The following RBFOX1 variants were observed in gnomAD, a reference collection of about 807,000 sequenced individuals.
RBFOX1 encodes the protein RNA binding protein fox-1 homolog 1.
RBFOX1 carries 8 observed loss-of-function variants against 57.7 expected under a neutral mutation model. That is an observed-to-expected ratio of 0.14 (90% confidence interval 0.08 to 0.25). The LOEUF is 0.25. Among genes scored for constraint, RBFOX1 ranks in the 10% least tolerant of loss-of-function variants. The pLI, the probability that RBFOX1 is intolerant of heterozygous loss-of-function variation, is 1.00. For synonymous variants in RBFOX1, 326 were observed against 222.4 expected (o/e 1.47, Z -4.15); for missense variants, 611 against 548.5 (o/e 1.11, Z -1.14).
At chr16:7,364,523 G>A (rs539550338) in intron 4 of RBFOX1, among the ~76,000 whole-genome samples, 8 of 150,866 alleles carry the variant, frequency 5.3e-5, no homozygotes, top group Non-Finnish European at 1.0e-4. Context: ...CTTTGGCAAG[G>A]GAGAGCATTT....
At chr16:6,765,062 A>C (rs754999071) in intron 3 of RBFOX1, among the ~76,000 whole-genome samples, 5 of 152,146 alleles carry the variant, frequency 3.3e-5, no homozygotes, top group Admixed American at 1.3e-4. Context: ...TTTAAGCAGA[A>C]ATCTAAAGTC....
chr16:6,290,856 C>G (rs568724087), intron 1 of RBFOX1, among the ~76,000 whole-genome samples: 1 of 152,066 alleles, frequency 6.6e-6, no homozygotes, highest in African/African-American at 2.4e-5. Flanking sequence ...GGATCTCAGG[C>G]AAGAAAGAAT....
chr16:6,505,665 A>G (rs1354912405), intron 2 of RBFOX1, among the ~76,000 whole-genome samples: 2 of 152,228 alleles, frequency 1.3e-5, no homozygotes, highest in Non-Finnish European at 2.9e-5. Context: ...ATGGACAGAG[A>G]AAACAGATGT....
At chr16:7,112,121 A>C (rs559275419) in intron 4 of RBFOX1, among the ~76,000 whole-genome samples, 105 of 152,306 alleles carry the variant, frequency 6.9e-4, no homozygotes, top group Non-Finnish European at 1.2e-3. Context: ...CGTTAGACCA[A>C]GTGTTGAAAT....
In RBFOX1 at chr16:6,972,112, A is replaced by G. The variant is rs191727376; in HGVS notation, c.-15-79945A>G. On this transcript the variant is annotated intron_variant, in intron 3 of 15. Transcript: ENST00000550418. Reference sequence around the variant, plus strand: ...TTTCCCATTGTGCTAAAAAGCACACAACATCTAACCATCTTAACCATTTGT... The same window carrying G: ...TTTCCCATTGTGCTAAAAAGCACACGACATCTAACCATCTTAACCATTTGT... Among the ~76,000 whole-genome samples, 242 of 152,336 alleles carry G rather than the reference A, an allele frequency of 1.6e-3. 1 individual carries two copies. Among genetic ancestry groups the G allele is most frequent in the African/African-American group, 5.6e-3 (233 of 41,576 alleles).
At chr16:5,395,363 T>A (rs2066521353) in intron 1 of RBFOX1, among the ~76,000 whole-genome samples, 1 of 152,188 alleles carries the variant, frequency 6.6e-6, no homozygotes. Context: ...TTGCCTCTGT[T>A]GTAGGTGAGG....
intron 4 of RBFOX1, among the ~76,000 whole-genome samples, chr16:5,932,804 G>C (rs1371421524): frequency 6.6e-6 from 1 of 151,944 alleles, no homozygotes; most frequent in Non-Finnish European, 1.5e-5. Context: ...ACGTGACCTC[G>C]GGTGCTTGGT....
At chr16:7,147,323 T>C (rs1050257499) in intron 4 of RBFOX1, among the ~76,000 whole-genome samples, 1 of 151,650 alleles carries the variant, frequency 6.6e-6, no homozygotes, top group Admixed American at 6.6e-5. Flanking sequence ...AATTTTTTTT[T>C]CAACTTTTAT....
intron 1 of RBFOX1, among the ~76,000 whole-genome samples, chr16:6,099,402 C>T (rs2096279596): frequency 6.6e-6 from 1 of 152,116 alleles, no homozygotes; most frequent in African/African-American, 2.4e-5. Context: ...GAGGTTAGTT[C>T]TGAGTGTCTT....
intron 2 of RBFOX1, among the ~76,000 whole-genome samples, chr16:6,460,827 C>CA (rs57208986): frequency 0.59 from 83,005 of 141,306 alleles, 24,874 homozygotes; most frequent in Non-Finnish European, 0.66. Flanking sequence ...TTCAGAATAC[C>CA]AAAAAAAAAA....
chr16:6,856,878 T>A lies in RBFOX1; in HGVS notation c.-15-195179T>A, dbSNP rs553172756. ...TCAATTCAGATAATAATAATTCTGC[T>A]GCAAAATGTTAGAGACAGAGAAAGG... On this transcript the variant is annotated intron_variant, in intron 3 of 15. Coordinates refer to ENST00000550418, the MANE Select transcript of RBFOX1 (RefSeq NM_018723.4). 6.0e-4 allele frequency among the ~76,000 whole-genome samples: 91 copies of A among 151,624 alleles called. 2 individuals are homozygous for A. The South Asian group carries it at 0.018, about 31-fold the overall frequency.
chr16:5,937,729 A>G (rs2059195976), intron 4 of RBFOX1, among the ~76,000 whole-genome samples: 1 of 149,490 alleles, frequency 6.7e-6, no homozygotes, highest in Non-Finnish European at 1.5e-5. Flanking sequence ...ATAGTTACAT[A>G]TCTCCATATA....
intron 4 of RBFOX1, among the ~76,000 whole-genome samples, chr16:7,251,392 C>G (rs757336827): frequency 3.4e-5 from 5 of 145,552 alleles, no homozygotes; most frequent in African/African-American, 1.0e-4. Context: ...AGATACAGAG[C>G]ATACTTCTGT....
chr16:5,972,276 A>G (rs2059977393), intron 4 of RBFOX1, among the ~76,000 whole-genome samples: 1 of 152,326 alleles, frequency 6.6e-6, no homozygotes, highest in South Asian at 2.1e-4. Flanking sequence ...ACAGTTGCTA[A>G]GTGGATTCCT....
intron 3 of RBFOX1, among the ~76,000 whole-genome samples, chr16:5,683,164 G>GT (rs976658789): frequency 2.0e-5 from 3 of 149,038 alleles, no homozygotes; most frequent in African/African-American, 7.4e-5. Context: ...GAGGTGGGGG[G>GT]TGGGGGCGCC....
At chr16:6,409,730 T>C (rs1391127546) in intron 2 of RBFOX1, among the ~76,000 whole-genome samples, 1 of 152,184 alleles carries the variant, frequency 6.6e-6, no homozygotes, top group Non-Finnish European at 1.5e-5. Context: ...ACCACTGTCT[T>C]AAGCCAGCAA....
At chr16:7,074,545 T>G (rs1014523018) in intron 4 of RBFOX1, among the ~76,000 whole-genome samples, 1 of 151,950 alleles carries the variant, frequency 6.6e-6, no homozygotes, top group Non-Finnish European at 1.5e-5. Context: ...AAGAAAAATA[T>G]TGAAAAAAAT....
chr16:7,488,391 G>A (rs1007581553), intron 4 of RBFOX1, among the ~76,000 whole-genome samples: 1 of 151,966 alleles, frequency 6.6e-6, no homozygotes, highest in African/African-American at 2.4e-5. Flanking sequence ...AGATATATAT[G>A]GACCTCTATA....
At chr16:6,489,692 T>A (rs947030783) in intron 2 of RBFOX1, among the ~76,000 whole-genome samples, 6 of 152,184 alleles carry the variant, frequency 3.9e-5, no homozygotes. Flanking sequence ...CGGACTTACC[T>A]GTTTTTGAAA....
Sources: gnomAD v4.1 joint callset for allele counts (sites outside exome capture counted in the v4.1 genomes callset) on GRCh38, gnomAD v4.1.1 for gene constraint, MANE v1.5 for transcripts, NCBI Gene and HGNC (gene_info 2026-07-23, HGNC 2026-07-21) for gene names.